TRIM26: variants seen among roughly 807,000 people sequenced by gnomAD.
TRIM26 encodes the protein tripartite motif-containing protein 26.
Under a neutral mutation model 45.5 loss-of-function variants are expected in TRIM26, and 16 were observed. The observed-to-expected ratio is 0.35, with a 90% CI of 0.24 to 0.53. The LOEUF (loss-of-function observed/expected upper bound fraction) is 0.53, where lower values mean the gene tolerates loss of function less well. TRIM26 is among the 20% of genes least tolerant of loss of function. The pLI is 0.92. For missense variants in TRIM26, 442 were observed against 691.1 expected (o/e 0.64, Z 4.04); for synonymous variants, 273 against 290.4 (o/e 0.94, Z 0.61).
intron 1 of TRIM26, among the ~76,000 whole-genome samples, chr6:30,205,665 T>C (rs944973768): frequency 2.6e-5 from 4 of 152,142 alleles, no homozygotes; most frequent in African/African-American, 7.2e-5. Context: ...TAGTGAGACA[T>C]TGTCTCCAAA....
chr6:30,190,252 G>T lies in TRIM26; in HGVS notation c.766-217C>A. On this transcript the variant is annotated intron_variant, in intron 6 of 9. Coordinates refer to ENST00000454678, the MANE Select transcript of TRIM26 (RefSeq NM_003449.5). This position sits in a 1 kb window ranked among gnomAD's most constrained non-coding sequence, Gnocchi z 4.3. ...ACAGAAGCCACAATGGCTGGGAGAT[G>T]ACATGGGCAACCTCTCTGGGAGATA... 1.6e-6 allele frequency: 1 copy of T among 612,858 alleles called. No homozygotes were observed. The highest frequency in any genetic ancestry group is 2.9e-6 in the Non-Finnish European group (1 of 344,724). The allele number at this position is 612,858 out of a possible 1,614,324, so 38.0% of individuals were successfully genotyped here. A position where few individuals can be genotyped will look rare whatever the true frequency, so the allele number is the denominator to read the frequency against.
intron 2 of TRIM26, among the ~76,000 whole-genome samples, chr6:30,201,543 C>G (rs1033370849): frequency 2.6e-5 from 4 of 152,002 alleles, no homozygotes; most frequent in Non-Finnish European, 5.9e-5. Flanking sequence ...GTTAGTAATG[C>G]TGGTAGAAAT....
intron 9 of TRIM26, among the ~76,000 whole-genome samples, chr6:30,187,806 T>C (rs1775346103): frequency 6.8e-6 from 1 of 147,598 alleles, no homozygotes; most frequent in South Asian, 2.1e-4. Context: ...TAGTCCCAGC[T>C]ACTTAGGAGG....
rs539290015 is a variant in TRIM26, at chr6:30,202,804, GACATTGC to G, written c.-265-1673_-265-1667del. 1.6e-4 allele frequency among the ~76,000 whole-genome samples: 24 copies of G among 152,218 alleles called. No individual in the cohort carries two copies. In the South Asian group the frequency reaches 3.7e-3, roughly 24 times the overall value. On this transcript the variant is annotated intron_variant, in intron 2 of 9. Coordinates refer to ENST00000454678, the MANE Select transcript of TRIM26 (RefSeq NM_003449.5). ...AGAACCAGATAAATCCAGAATGCTGGACATTGCACATGGCAACTGGCCTAGTCTTTTA... is the reference window on the plus strand; with the variant it reads ...AGAACCAGATAAATCCAGAATGCTGGACATGGCAACTGGCCTAGTCTTTTA...
chr6:30,203,919 C>T (rs1025611230), intron 2 of TRIM26, among the ~76,000 whole-genome samples: 1 of 151,656 alleles, frequency 6.6e-6, no homozygotes. Context: ...CTACAGTTTT[C>T]TATCACATTC....
In TRIM26 at chr6:30,198,353, G is replaced by A; in HGVS notation, c.534+76C>T. The A allele has an allele frequency of 3.3e-6, 5 of 1,526,732 alleles. No homozygotes were observed. Among genetic ancestry groups the A allele is most frequent in the Non-Finnish European group, 4.5e-6 (5 of 1,106,214 alleles). 94.6% of individuals were successfully genotyped at this position (1,526,732 alleles called of 1,614,324 possible). A position where few individuals can be genotyped will look rare whatever the true frequency, so the allele number is the denominator to read the frequency against. ...CAGCGCCTAGAAACACCTCCCAGCT[G>A]CCGCCTACTTGCCCAGGCTCACCCT... On this transcript the variant is annotated intron_variant, in intron 5 of 9. Transcript: ENST00000454678. The surrounding 1 kb of genome is among the most constrained non-coding windows in gnomAD (Gnocchi z 6.3).
intron 2 of TRIM26, among the ~76,000 whole-genome samples, chr6:30,201,619 G>C (rs1187542220): frequency 6.6e-6 from 1 of 152,146 alleles, no homozygotes; most frequent in Non-Finnish European, 1.5e-5. Flanking sequence ...GCCGAGGCAG[G>C]TGAATCACAA....
chr6:30,186,752 A>G lies in TRIM26; in HGVS notation c.938-194T>C, dbSNP rs572165311. ...TGGCTTTGTATTCTGCTAAATCACC[A>G]TAACTAAACTGCTTTATAAACATGA... On this transcript the variant is annotated intron_variant, in intron 9 of 9. Transcript: ENST00000454678. The surrounding 1 kb of genome is among the most constrained non-coding windows in gnomAD (Gnocchi z 7.4). 150 of 993,364 alleles carry G rather than the reference A, an allele frequency of 1.5e-4. No individual in the cohort carries two copies. The African/African-American group carries it at 2.1e-3, about 14-fold the overall frequency. The allele number at this position is 993,364 out of a possible 1,614,324, so 61.5% of individuals were successfully genotyped here.
In TRIM26 at chr6:30,196,795, G is replaced by A; in HGVS notation, c.535-49C>T. The A allele has an allele frequency of 1.3e-6, 2 of 1,592,928 alleles. No homozygotes were observed. Among genetic ancestry groups the A allele is most frequent in the Non-Finnish European group, 1.7e-6 (2 of 1,162,868 alleles). On this transcript the variant is annotated intron_variant, in intron 5 of 9. Coordinates refer to ENST00000454678, the MANE Select transcript of TRIM26 (RefSeq NM_003449.5). This position sits in a 1 kb window ranked among gnomAD's most constrained non-coding sequence, Gnocchi z 4.9. ...AGGGCTGACACCTCTGCTCAGGGTG[G>A]AGGGCCCAGTGCTGGAGGTGTGCAA... is the stretch of plus-strand genomic sequence containing the variant.
At chr6:30,213,107 G>C (rs897660737) in intron 1 of TRIM26, among the ~76,000 whole-genome samples, 198 bp downstream of exon 1, 2 of 152,146 alleles carry the variant, frequency 1.3e-5, no homozygotes, top group Non-Finnish European at 2.9e-5. Context: ...CAAGAGGAGG[G>C]GGAGAATGTA....
At chr6:30,193,185 T>A (rs867732865) in intron 6 of TRIM26, among the ~76,000 whole-genome samples, 3,191 of 78,134 alleles carry the variant, frequency 0.041, 157 homozygotes, top group African/African-American at 0.073. Flanking sequence ...TATATATATT[T>A]TTTTTTTTTT....
At chr6:30,187,607 A>T (rs1581648009) in intron 9 of TRIM26, 1 of 395,358 alleles carries the variant, frequency 2.5e-6, no homozygotes, top group East Asian at 7.3e-5. Context: ...AGGTAATTAC[A>T]CAGGTGAGCT....
rs1376338154 is a variant in TRIM26, at chr6:30,205,840, G to A, written c.-375-1075C>T. Reference sequence around the variant, plus strand: ...CTGGGTGAAACTCTGGCCTGCCTCCGGCTCCTAGATGCCACCCAGAGAGGT... The same window carrying A: ...CTGGGTGAAACTCTGGCCTGCCTCCAGCTCCTAGATGCCACCCAGAGAGGT... On this transcript the variant is annotated intron_variant, in intron 1 of 9. Coordinates refer to ENST00000454678, the MANE Select transcript of TRIM26 (RefSeq NM_003449.5). 2.8e-4 allele frequency among the ~76,000 whole-genome samples: 43 copies of A among 152,292 alleles called. 2 individuals carry two copies. Among genetic ancestry groups the A allele is most frequent in the South Asian group, 4.1e-4 (2 of 4,824 alleles).
chr6:30,212,768 G>A (rs891120996), intron 1 of TRIM26, among the ~76,000 whole-genome samples: 1 of 152,040 alleles, frequency 6.6e-6, no homozygotes, highest in Non-Finnish European at 1.5e-5. Flanking sequence ...ATTTGGAAGT[G>A]TGTCCCTCCC....
At chr6:30,208,330 C>T (rs899928741) in intron 1 of TRIM26, among the ~76,000 whole-genome samples, 12 of 152,130 alleles carry the variant, frequency 7.9e-5, no homozygotes, top group South Asian at 2.1e-4. Flanking sequence ...TCCAAGGTTT[C>T]GCTCCAGCAA....
chr6:30,211,962 G>C (rs1046646676), intron 1 of TRIM26, among the ~76,000 whole-genome samples: 3 of 152,200 alleles, frequency 2.0e-5, no homozygotes, highest in African/African-American at 7.2e-5. Context: ...GGTATGGGCT[G>C]CACTTAGTGA....
intron 6 of TRIM26, among the ~76,000 whole-genome samples, chr6:30,195,852 GGTAAGT>G (rs1562206234): frequency 1.3e-5 from 2 of 152,136 alleles, no homozygotes; most frequent in African/African-American, 4.8e-5. Flanking sequence ...CCCTCTTCAG[GGTAAGT>G]GTGATCCCCA....
Position 30,200,675 on chromosome 6 carries a change from AG to A in TRIM26, c.-162+359del, listed in dbSNP as rs1310635078. 7.2e-5 allele frequency among the ~76,000 whole-genome samples: 11 copies of A among 152,322 alleles called. No individual in the cohort carries two copies. The South Asian group carries it at 2.1e-3, about 29-fold the overall frequency. On this transcript the variant is annotated intron_variant, in intron 3 of 9. Transcript: ENST00000454678. ...GACCCAGTTCCAGGCTGAGGTTATGAGCCTCAGCACATCTAACCCAAGAGCA... is the reference window on the plus strand; with the variant it reads ...GACCCAGTTCCAGGCTGAGGTTATGACCTCAGCACATCTAACCCAAGAGCA...
At position 30,199,244 on chromosome 6, in the gene TRIM26, A is replaced by G. The variant is rs2072106; in HGVS notation, c.-141T>C. 0.011 allele frequency: 7,729 copies of G among 681,316 alleles called. 215 individuals carry two copies. The highest frequency in any genetic ancestry group is 0.085 in the East Asian group (3,016 of 35,580). 42.2% of individuals were successfully genotyped at this position (681,316 alleles called of 1,614,324 possible). ...GGCTGCCAGCTCCAGCACTCAGTCAATCGACAGACACCACCAGCTCCTACA... is the reference window on the plus strand; with the variant it reads ...GGCTGCCAGCTCCAGCACTCAGTCAGTCGACAGACACCACCAGCTCCTACA... On this transcript the variant is annotated 5_prime_UTR_variant, in exon 4 of 10. Coordinates refer to ENST00000454678, the MANE Select transcript of TRIM26 (RefSeq NM_003449.5).
Sources: allele counts gnomAD v4.1 joint callset (sites outside exome capture counted in the v4.1 genomes callset), GRCh38; gene constraint gnomAD v4.1.1; non-coding constraint Gnocchi (gnomAD v3.1); transcripts MANE v1.5; gene names NCBI Gene and HGNC (gene_info 2026-07-23, HGNC 2026-07-21).